The following ZC4H2 variants were observed in gnomAD, a reference collection of about 807,000 sequenced individuals.
ZC4H2 encodes the protein zinc finger C4H2-type containing.
For missense variants in ZC4H2, 137 were observed against 173.9 expected (o/e 0.79, Z 1.19); for synonymous variants, 84 against 66.3 (o/e 1.27, Z -1.30).
rs749463618 is a variant in ZC4H2, at chrX:64,918,917, C to A, written c.561+125G>T. The A allele has an allele frequency of 1.4e-5, 13 of 902,163 alleles. No individual in the cohort carries two copies. In the South Asian group the frequency reaches 3.9e-4, roughly 27 times the overall value. The allele number at this position is 902,163 out of a possible 1,213,427, so 74.3% of individuals were successfully genotyped here. A position where few individuals can be genotyped will look rare whatever the true frequency, so the allele number is the denominator to read the frequency against. ...ACCCATGTCACCCCTTCCACTGTGT[C>A]ACAAGCAAAGGCCATTAAAAGAAGG... is the stretch of plus-strand genomic sequence containing the variant. On this transcript the variant is annotated intron_variant, in intron 4 of 4. Coordinates refer to ENST00000374839, the MANE Select transcript of ZC4H2 (RefSeq NM_018684.4).
At chrX:64,919,227 C>T (rs1711504847) in intron 3 of ZC4H2, 23 bp from the exon 4 acceptor site, 7 of 1,207,718 alleles carry the variant, frequency 5.8e-6, no homozygotes, top group Non-Finnish European at 7.8e-6. Flanking sequence ...GAGACACTGG[C>T]TAGATCATTC....
intron 1 of ZC4H2, among the ~76,000 whole-genome samples, chrX:64,945,938 C>A (rs990804654): frequency 9.0e-6 from 1 of 110,987 alleles, no homozygotes; most frequent in Admixed American, 9.6e-5. Flanking sequence ...CCCCACCAAG[C>A]TCGAGCATCC....
chrX:64,998,193 A>G (rs1932456520), intron 1 of ZC4H2, among the ~76,000 whole-genome samples: 1 of 111,604 alleles, frequency 9.0e-6, no homozygotes, highest in African/African-American at 3.3e-5. Flanking sequence ...ATATAAATAA[A>G]TTAAACTCTC....
chrX:64,946,145 C>T (rs924180645), intron 1 of ZC4H2, among the ~76,000 whole-genome samples: 2 of 110,608 alleles, frequency 1.8e-5, no homozygotes, highest in Admixed American at 9.7e-5. Flanking sequence ...AAAACCAAAA[C>T]CAAAACAAAA....
chrX:64,933,411 C>T (rs746568552), intron 1 of ZC4H2, among the ~76,000 whole-genome samples: 1 of 111,815 alleles, frequency 8.9e-6, no homozygotes, highest in Non-Finnish European at 1.9e-5. Flanking sequence ...AGGATCTTTT[C>T]AGGATGATTT....
chrX:65,022,892 A>G (rs1277226528), intron 1 of ZC4H2, among the ~76,000 whole-genome samples: 1 of 112,094 alleles, frequency 8.9e-6, no homozygotes, highest in Admixed American at 9.4e-5. Flanking sequence ...TATAGATTCA[A>G]TGCCATCCCC....
At chrX:64,990,024 A>G (rs965937814) in intron 1 of ZC4H2, among the ~76,000 whole-genome samples, 3 of 112,097 alleles carry the variant, frequency 2.7e-5, no homozygotes, top group African/African-American at 9.7e-5. Flanking sequence ...AGTAATTGCA[A>G]TCCTGGACAT....
At chrX:64,950,440 C>T (rs1339796340) in intron 1 of ZC4H2, among the ~76,000 whole-genome samples, 1 of 111,368 alleles carries the variant, frequency 9.0e-6, no homozygotes, top group Non-Finnish European at 1.9e-5. Flanking sequence ...CTCATGTTGA[C>T]AGTGGGATGT....
chrX:64,932,487 A>G (rs1016506086), intron 1 of ZC4H2, among the ~76,000 whole-genome samples: 1 of 111,146 alleles, frequency 9.0e-6, no homozygotes, highest in Non-Finnish European at 1.9e-5. Flanking sequence ...AGAAGGTTAT[A>G]TTTTGGTGTA....
chrX:64,959,739 C>G (rs1931303358), intron 1 of ZC4H2, among the ~76,000 whole-genome samples: 1 of 109,920 alleles, frequency 9.1e-6, no homozygotes, highest in Admixed American at 9.8e-5. Context: ...TATGAATAGT[C>G]ATGGCAAAGT....
chrX:64,973,783 T>G (rs1355444799), intron 1 of ZC4H2, among the ~76,000 whole-genome samples: 1 of 111,896 alleles, frequency 8.9e-6, no homozygotes, highest in East Asian at 2.8e-4. Context: ...GTCACTTCTT[T>G]TCCTTCAGCA....
intron 1 of ZC4H2, among the ~76,000 whole-genome samples, chrX:64,959,203 A>G (rs1481922610): frequency 9.2e-6 from 1 of 108,965 alleles, no homozygotes; most frequent in Non-Finnish European, 1.9e-5. Context: ...GAAACCCTGT[A>G]TACAGTGAAG....
chrX:64,949,811 C>T (rs940366270), intron 1 of ZC4H2, among the ~76,000 whole-genome samples: 7 of 111,257 alleles, frequency 6.3e-5, no homozygotes, highest in African/African-American at 2.3e-4. Flanking sequence ...CCTGGATTCA[C>T]TGATTTTTTG....
chrX:65,010,970 C>T (rs1401320840), intron 1 of ZC4H2, among the ~76,000 whole-genome samples: 1 of 111,490 alleles, frequency 9.0e-6, no homozygotes. Flanking sequence ...ATTTAGATAA[C>T]CTCTTTGGTG....
intron 1 of ZC4H2, among the ~76,000 whole-genome samples, chrX:64,982,543 G>A: frequency 8.9e-6 from 1 of 112,422 alleles, no homozygotes. Flanking sequence ...GGATAATTCA[G>A]TGAATAGAAA....
At chrX:64,954,374 T>TATA in intron 1 of ZC4H2, among the ~76,000 whole-genome samples, 2 of 73,252 alleles carry the variant, frequency 2.7e-5, no homozygotes, top group Admixed American at 1.5e-4. Flanking sequence ...ATATATATAA[T>TATA]TATATATATT....
rs755590996 is a variant in ZC4H2 at position 65,021,389 on chromosome X, A to G, written c.-272+13240T>C. 1.7e-4 allele frequency among the ~76,000 whole-genome samples: 19 copies of G among 111,336 alleles called. No homozygotes were observed. In the South Asian group the frequency reaches 7.0e-3, roughly 41 times the overall value. ...AACTCACTCAAAACCTCACAACTAT[A>G]TGGAAACTGAACGACCTGCTCCTGA... is the stretch of plus-strand genomic sequence containing the variant. On this transcript the variant is annotated intron_variant, in intron 1 of 4. Transcript: ENST00000337990.
At chrX:64,966,614 G>T (rs1288074117) in intron 1 of ZC4H2, among the ~76,000 whole-genome samples, 1 of 112,025 alleles carries the variant, frequency 8.9e-6, no homozygotes, top group Non-Finnish European at 1.9e-5. Context: ...GATATTATTT[G>T]TCAACAAAAA....
chrX:64,967,652 C>T (rs1170980889), intron 1 of ZC4H2, among the ~76,000 whole-genome samples: 1 of 111,417 alleles, frequency 9.0e-6, no homozygotes, highest in African/African-American at 3.3e-5. Flanking sequence ...TCCCTGGGCT[C>T]GTCAGAACAT....
Sources: allele counts gnomAD v4.1 joint callset (sites outside exome capture counted in the v4.1 genomes callset), GRCh38; gene constraint gnomAD v4.1.1; transcripts MANE v1.5; gene names NCBI Gene and HGNC (gene_info 2026-07-23, HGNC 2026-07-21).